Variants in SECISBP2L observed in about 807,000 individuals in gnomAD.
SECISBP2L encodes the protein SECIS binding protein 2 like.
A neutral mutation model predicts 114.7 loss-of-function variants in SECISBP2L; 43 were observed. The observed-to-expected ratio is 0.38, with a 90% CI of 0.29 to 0.48. The LOEUF (loss-of-function observed/expected upper bound fraction) is 0.48. Ranked by LOEUF, SECISBP2L falls within the 20% of genes least tolerant of loss-of-function variation. The pLI, the probability that SECISBP2L is intolerant of heterozygous loss-of-function variation, is 0.98. For missense variants in SECISBP2L, 1,136 were observed against 1,301.1 expected, an observed-to-expected ratio of 0.87 and a Z score of 1.95; for synonymous variants, 451 against 439.7, an observed-to-expected ratio of 1.03 and a Z score of -0.32.
intron 1 of SECISBP2L, among the ~76,000 whole-genome samples, chr15:49,045,892 A>G (rs1343284211): frequency 1.3e-5 from 2 of 152,180 alleles, no homozygotes; most frequent in African/African-American, 4.8e-5. Context: ...TTTCTGGGTG[A>G]GAAGCCTTCA....
At position 49,011,660 on chromosome 15, in the gene SECISBP2L, TGA is replaced by T. The variant is rs1203937005; in HGVS notation, c.1864+69_1864+70del. ...TCTTCCAATCAGGAGCATTAACTAG[TGA>T]TAGCTTACGTATCTATTAAAATATT... On this transcript the variant is annotated intron_variant, in intron 13 of 17. Coordinates refer to ENST00000559471, the MANE Select transcript of SECISBP2L (RefSeq NM_001193489.2). 2.6e-6 allele frequency: 4 copies of T among 1,541,422 alleles called. No homozygotes were observed. In the African/African-American group the frequency reaches 5.5e-5, roughly 21 times the overall value.
Position 49,037,808 on chromosome 15 carries a change from C to T in SECISBP2L, c.25-39G>A, listed in dbSNP as rs781395965. On this transcript the variant is annotated intron_variant, in intron 1 of 17. Transcript: ENST00000559471. The stretch of plus-strand genomic sequence containing the variant: ...GTAGAATACATTAATAACAAATGAG[C>T]AAGCAACTTCCTACAAATTCAAAAT... 2.6e-6 allele frequency: 4 copies of T among 1,521,960 alleles called. No individual in the cohort carries two copies. In the Admixed American group the frequency reaches 5.9e-5, roughly 22 times the overall value. The allele number at this position is 1,521,960 out of a possible 1,614,324, so 94.3% of individuals were successfully genotyped here. A position where few individuals can be genotyped will look rare whatever the true frequency, so the allele number is the denominator to read the frequency against.
At chr15:48,999,752 A>C in intron 16 of SECISBP2L, 81 bp downstream of exon 16, 6 of 1,459,874 alleles carry the variant, frequency 4.1e-6, no homozygotes, top group Non-Finnish European at 5.6e-6. Context: ...CTTAAACATA[A>C]CACTGGCATA....
At chr15:49,027,604 C>CTTTTTTTTTTTTTT (rs1299026344) in intron 6 of SECISBP2L, 124 bp from the exon 7 acceptor site, 1 of 466,274 alleles carries the variant, frequency 2.1e-6, no homozygotes. Flanking sequence ...TTCTATAAAC[C>CTTTTTTTTTTTTTT]TTATTATTTT....
chr15:49,033,683 A>G (rs1027096867), intron 3 of SECISBP2L, among the ~76,000 whole-genome samples: 2 of 152,056 alleles, frequency 1.3e-5, no homozygotes, highest in Non-Finnish European at 2.9e-5. Flanking sequence ...CAAAACAAAC[A>G]AACAAACAAA....
At chr15:49,020,270 G>A (rs1274092646) in intron 7 of SECISBP2L, among the ~76,000 whole-genome samples, 1 of 151,888 alleles carries the variant, frequency 6.6e-6, no homozygotes, top group African/African-American at 2.4e-5. Flanking sequence ...GCAGTGGCTT[G>A]ATCATAGCTC....
At chr15:49,043,604 G>T (rs1486460049) in intron 1 of SECISBP2L, among the ~76,000 whole-genome samples, 1 of 89,588 alleles carries the variant, frequency 1.1e-5, no homozygotes, top group Non-Finnish European at 2.4e-5. Flanking sequence ...ATCTCAAAAT[G>T]CAAGTTTTTT....
intron 11 of SECISBP2L, 89 bp downstream of exon 11, chr15:49,016,471 C>T: frequency 1.8e-6 from 2 of 1,119,610 alleles, no homozygotes; most frequent in Non-Finnish European, 1.3e-6. Flanking sequence ...TATACACATA[C>T]ATATATAAAA....
rs146385964 is a variant in SECISBP2L, at chr15:49,040,660, C to T, written c.25-2891G>A. On this transcript the variant is annotated intron_variant, in intron 1 of 17. Transcript: ENST00000559471. ...ACGCCATTCTCCTGCCTCAGCCTCC[C>T]GAGTAGCTGGGACTACAGGCGCCCA... Among the ~76,000 whole-genome samples the T allele has an allele frequency of 4.2e-3, 634 of 149,552 alleles. 6 individuals carry two copies. The highest frequency in any genetic ancestry group is 0.015 in the African/African-American group (594 of 40,926).
At chr15:48,994,564 A>G (rs1255483961) in intron 17 of SECISBP2L, among the ~76,000 whole-genome samples, 2 of 152,044 alleles carry the variant, frequency 1.3e-5, no homozygotes, top group African/African-American at 4.8e-5. Flanking sequence ...ACTGTTCCCT[A>G]AAGTTGGAAC....
intron 14 of SECISBP2L, among the ~76,000 whole-genome samples, chr15:49,007,376 C>G (rs1465514106): frequency 6.6e-6 from 1 of 152,216 alleles, no homozygotes; most frequent in African/African-American, 2.4e-5. Context: ...ACATTTAACT[C>G]TGCTGAAGCT....
intron 3 of SECISBP2L, 64 bp downstream of exon 3, chr15:49,035,270 G>T: frequency 7.0e-7 from 1 of 1,437,020 alleles, no homozygotes. Flanking sequence ...AACCCAAGTA[G>T]CAAATTGCTT....
chr15:49,024,076 A>T (rs1421899494), intron 7 of SECISBP2L, among the ~76,000 whole-genome samples: 1 of 152,056 alleles, frequency 6.6e-6, no homozygotes, highest in African/African-American at 2.4e-5. Context: ...ACCAGACTAA[A>T]GAAATGATCT....
intron 8 of SECISBP2L, 30 bp downstream of exon 8, chr15:49,019,388 C>T: frequency 1.5e-6 from 2 of 1,377,288 alleles, no homozygotes; most frequent in Non-Finnish European, 1.9e-6. Flanking sequence ...TTTCCTATAA[C>T]AGCTTACAAA....
rs553768316 is a variant in SECISBP2L, at chr15:49,016,716, T to TA, written c.1420-16dup. The TA allele has an allele frequency of 4.2e-3, 6,383 of 1,530,242 alleles. 19 individuals are homozygous for TA. The highest frequency in any genetic ancestry group is 0.018 in the Middle Eastern group (91 of 5,092). The allele number at this position is 1,530,242 out of a possible 1,614,324, so 94.8% of individuals were successfully genotyped here. On this transcript the variant is annotated splice_polypyrimidine_tract_variant and intron_variant, in intron 10 of 17. Transcript: ENST00000559471. ...GATAAAGCTTCCTACAAAATAAATA[T>TA]AAAAAATTAATTTTTTTGTTATAGT...
intron 1 of SECISBP2L, among the ~76,000 whole-genome samples, chr15:49,043,638 C>T (rs1024688880): frequency 7.0e-6 from 1 of 142,476 alleles, no homozygotes; most frequent in African/African-American, 2.5e-5. Context: ...GGAAAAAATG[C>T]ATTATATACC....
chr15:49,037,409 C>G (rs1247381406), intron 2 of SECISBP2L, 182 bp downstream of exon 2: 1 of 452,850 alleles, frequency 2.2e-6, no homozygotes, highest in Non-Finnish European at 3.9e-6. Flanking sequence ...ATTCAATTTT[C>G]TCTTAGAAAA....
chr15:49,019,568 A>T lies in SECISBP2L; in HGVS notation c.1036-16T>A. The T allele has an allele frequency of 6.9e-7, 1 of 1,439,714 alleles. No individual in the cohort carries two copies. 89.2% of individuals were successfully genotyped at this position (1,439,714 alleles called of 1,614,324 possible). A position where few individuals can be genotyped will look rare whatever the true frequency, so the allele number is the denominator to read the frequency against. On this transcript the variant is annotated splice_polypyrimidine_tract_variant and intron_variant, in intron 7 of 17. Transcript: ENST00000559471. The stretch of plus-strand genomic sequence containing the variant: ...TGAATCCAACCTAAGTAAACCCCAG[A>T]GGGGAAAAAAAATCTAATTATTTTT...
chr15:48,995,091 T>C (rs1042636531), intron 17 of SECISBP2L, among the ~76,000 whole-genome samples: 1 of 152,140 alleles, frequency 6.6e-6, no homozygotes, highest in African/African-American at 2.4e-5. Flanking sequence ...TCTGAAAACA[T>C]CACCTCAATC....
Sources: allele counts gnomAD v4.1 joint callset (sites outside exome capture counted in the v4.1 genomes callset), GRCh38; gene constraint gnomAD v4.1.1; transcripts MANE v1.5; gene names NCBI Gene and HGNC (gene_info 2026-07-23, HGNC 2026-07-21).